The following SHANK1 variants were observed in gnomAD, a reference collection of about 807,000 sequenced individuals.
SHANK1 encodes the protein SH3 and multiple ankyrin repeat domains 1.
A neutral mutation model predicts 165.6 loss-of-function variants in SHANK1; 35 were observed. The observed-to-expected ratio is 0.21, with a 90% CI of 0.16 to 0.28. SHANK1 has a LOEUF of 0.28. Among genes scored for constraint, SHANK1 ranks in the 10% least tolerant of loss-of-function variants. SHANK1 has a pLI of 1.00. For synonymous variants in SHANK1, 1,428 were observed against 1,384.8 expected (o/e 1.03, Z -0.69); for missense variants, 2,681 against 3,036.4 (o/e 0.88, Z 2.75).
chr19:50,695,646 C>T (rs1246686265), intron 15 of SHANK1, among the ~76,000 whole-genome samples: 1 of 151,986 alleles, frequency 6.6e-6, no homozygotes, highest in South Asian at 2.1e-4. Flanking sequence ...GGACGGAGCC[C>T]CGCTTCCCCG....
rs1166237139 is a variant in SHANK1 at position 50,668,575 on chromosome 19, C to T, written c.3385G>A (p.Ala1129Thr). The change falls in exon 23 of 24, where the codon GCG (alanine) becomes ACG (threonine). Residue 1129 changes from alanine to threonine, a missense_variant. Physicochemically the swap from Ala to Thr is moderately conservative, Grantham distance 58. This residue lies in a region of SHANK1 where 1,713 missense variants were observed against 1,630.2 expected (regional missense o/e 1.05). Coordinates refer to ENST00000293441, the MANE Select transcript of SHANK1 (RefSeq NM_016148.5). ...GAGGCCGGGGACGTGGGCGACGGCG[C>T]GGGCGGGAGGCCGCCGCCCTTCTGG... Reference protein sequence around the residue: ...EPQKGGGLPPAPSPTSPASPQ... With the variant: ...EPQKGGGLPPTPSPTSPASPQ... 4.5e-6 allele frequency: 6 copies of T among 1,336,636 alleles called. No individual in the cohort carries two copies. The highest frequency in any genetic ancestry group is 1.6e-5 in the African/African-American group (1 of 64,414). The allele number at this position is 1,336,636 out of a possible 1,614,324, so 82.8% of individuals were successfully genotyped here. A position where few individuals can be genotyped will look rare whatever the true frequency, so the allele number is the denominator to read the frequency against.
chr19:50,667,664 G>C lies in SHANK1; in HGVS notation c.4296C>G (p.Ser1432=), dbSNP rs538161383. 3.5e-5 allele frequency: 49 copies of C among 1,397,454 alleles called. No homozygotes were observed. Among genetic ancestry groups the C allele is most frequent in the Non-Finnish European group, 4.5e-5 (49 of 1,085,168 alleles). 86.6% of individuals were successfully genotyped at this position (1,397,454 alleles called of 1,614,324 possible). Residue 1432 remains serine (S), a synonymous_variant, in exon 23 of 24, where the codon TCC becomes TCG. Coordinates refer to ENST00000293441, the MANE Select transcript of SHANK1 (RefSeq NM_016148.5). This position sits in a 1 kb window ranked among gnomAD's most constrained non-coding sequence, Gnocchi z 5.7. ...GGGCGGCGGGCGGGCTGGCGGGAAG[G>C]GACTTCTCCTGGCTGCCCAGCCCGG... The part of the protein sequence containing the change: ...YRAGLGSQEK[S]LPASPPAARR...
At chr19:50,663,178 C>T (rs1320434722) in intron 23 of SHANK1, 1 of 169,384 alleles carries the variant, frequency 5.9e-6, no homozygotes, top group East Asian at 1.8e-4. Flanking sequence ...TACTGCCTTT[C>T]AGGTTATGGC....
chr19:50,701,782 G>A (rs1750685065), intron 12 of SHANK1, among the ~76,000 whole-genome samples: 4 of 152,152 alleles, frequency 2.6e-5, no homozygotes, highest in Admixed American at 2.6e-4. Flanking sequence ...GCACGTGGTG[G>A]TCTCTAAAGC....
rs1250236318 is a variant in SHANK1, at chr19:50,719,434, C to A, written c.-72G>T. 6.7e-6 allele frequency: 1 copy of A among 148,164 alleles called. No individual in the cohort carries two copies. Among genetic ancestry groups the A allele is most frequent in the Non-Finnish European group, 1.5e-5 (1 of 66,602 alleles). 9.2% of individuals were successfully genotyped at this position (148,164 alleles called of 1,614,324 possible). A position where few individuals can be genotyped will look rare whatever the true frequency, so the allele number is the denominator to read the frequency against. ...CCTGGCGGGGCTGCTGAGTCCCGGT[C>A]GGCGGCGCCCGCGGCCCCTCCCCCC... On this transcript the variant is annotated 5_prime_UTR_variant, in exon 1 of 24. Coordinates refer to ENST00000293441, the MANE Select transcript of SHANK1 (RefSeq NM_016148.5).
In SHANK1 at chr19:50,660,311, G is replaced by C. The variant is rs1389548540; in HGVS notation, c.*1654C>G. 6.6e-6 allele frequency among the ~76,000 whole-genome samples: 1 copy of C among 151,988 alleles called. No individual in the cohort carries two copies. The highest frequency in any genetic ancestry group is 1.5e-5 in the Non-Finnish European group (1 of 67,984). ...GACAGGTTAGGAGAGGGCAATCTTC[G>C]TGCAAAAGGGATGGACAGATGGCCC... On this transcript the variant is annotated 3_prime_UTR_variant, in exon 24 of 24. Transcript: ENST00000293441.
At position 50,703,757 on chromosome 19, in the gene SHANK1, C is replaced by T. The variant is rs759165431; in HGVS notation, c.1296G>A (p.Pro432=). ...GPPGTGLTVP[P]ALLRANSDTS... Reference sequence around the variant, plus strand: ...TGTCACTGTTGGCCCGCAGCAGCGCCGGGGGCACCGTCAGCCCTGTGCCTG... The same window carrying T: ...TGTCACTGTTGGCCCGCAGCAGCGCTGGGGGCACCGTCAGCCCTGTGCCTG... The change falls in exon 11 of 24, where the codon CCG becomes CCA. Residue 432 remains proline (P), a synonymous_variant. Transcript: ENST00000293441. 7.4e-5 allele frequency: 106 copies of T among 1,432,722 alleles called. No homozygotes were observed. The highest frequency in any genetic ancestry group is 1.4e-4 in the African/African-American group (10 of 69,164). The allele number at this position is 1,432,722 out of a possible 1,614,324, so 88.8% of individuals were successfully genotyped here.
In SHANK1 at chr19:50,713,160, TGG is replaced by T. The variant is rs2123200987; in HGVS notation, c.792+636_792+637del. 6.6e-6 allele frequency among the ~76,000 whole-genome samples: 1 copy of T among 152,198 alleles called. No homozygotes were observed. The highest frequency in any genetic ancestry group is 2.4e-5 in the African/African-American group (1 of 41,532). On this transcript the variant is annotated intron_variant, in intron 6 of 23. Transcript: ENST00000293441. This position sits in a 1 kb window ranked among gnomAD's most constrained non-coding sequence, Gnocchi z 6.2. ...CGGGGTGCTTCTCAATGGCTGTCTT[TGG>T]GGGCAGCCCATCCTGACCCTCATGT...
At chr19:50,698,646 A>C (rs1986815433) in intron 12 of SHANK1, among the ~76,000 whole-genome samples, 1 of 152,156 alleles carries the variant, frequency 6.6e-6, no homozygotes, top group Non-Finnish European at 1.5e-5. Context: ...CTGGGCCAGA[A>C]CCCTAAGAGG....
chr19:50,665,691 T>C (rs1278664238), intron 23 of SHANK1, among the ~76,000 whole-genome samples: 1 of 142,870 alleles, frequency 7.0e-6, no homozygotes, highest in Non-Finnish European at 1.5e-5. Context: ...TGAGCTATGA[T>C]TACACCACTG....
In SHANK1 at chr19:50,668,166, T is replaced by C. The variant is rs1244220301; in HGVS notation, c.3794A>G (p.Glu1265Gly). 3.4e-6 allele frequency: 5 copies of C among 1,465,298 alleles called. No homozygotes were observed. The highest frequency in any genetic ancestry group is 2.6e-5 in the Admixed American group (1 of 39,194). The allele number at this position is 1,465,298 out of a possible 1,614,324, so 90.8% of individuals were successfully genotyped here. ...TLFLSTDAGD[E>G]DGGDGGLGTG... ...GCCCAGCCCGCCGTCCCCGCCGTCCTCGTCCCCCGCGTCGGTGGACAGGAA... is the reference window on the plus strand; with the variant it reads ...GCCCAGCCCGCCGTCCCCGCCGTCCCCGTCCCCCGCGTCGGTGGACAGGAA... Residue 1265 changes from glutamate (E) to glycine (G), a missense_variant, in exon 23 of 24, where the codon GAG becomes GGG. Physicochemically the swap from Glu to Gly is moderately conservative, Grantham distance 98. Transcript: ENST00000293441.
chr19:50,663,922 C>CT (rs71964058), intron 23 of SHANK1, among the ~76,000 whole-genome samples: 2,251 of 110,286 alleles, frequency 0.02, 69 homozygotes, highest in African/African-American at 0.083. Context: ...TTTTTCTTTT[C>CT]TTTCTCTCTC....
chr19:50,668,127 G>C lies in SHANK1; in HGVS notation c.3833C>G (p.Pro1278Arg), dbSNP rs1245249063. 2.9e-5 allele frequency: 43 copies of C among 1,476,008 alleles called. No individual in the cohort carries two copies. The highest frequency in any genetic ancestry group is 8.0e-6 in the Non-Finnish European group (9 of 1,119,408). The allele number at this position is 1,476,008 out of a possible 1,614,324, so 91.4% of individuals were successfully genotyped here. Residue 1278 changes from proline to arginine, a missense_variant, in exon 23 of 24, where the codon CCG becomes CGG. By Grantham distance (103) the Pro-to-Arg change is moderately radical. This residue lies in a region of SHANK1 where 1,713 missense variants were observed against 1,630.2 expected (regional missense o/e 1.05). Coordinates refer to ENST00000293441, the MANE Select transcript of SHANK1 (RefSeq NM_016148.5). Reference sequence around the variant, plus strand: ...TTTGGAGTGGCGCAGCCGCGGGCCCGGGGCCGCCCCTGTGCCCAGCCCGCC... The same window carrying C: ...TTTGGAGTGGCGCAGCCGCGGGCCCCGGGCCGCCCCTGTGCCCAGCCCGCC... ...GDGGLGTGAA[P>R]GPRLRHSKSI...
intron 15 of SHANK1, among the ~76,000 whole-genome samples, chr19:50,689,957 C>G (rs938672579): frequency 1.3e-5 from 2 of 152,144 alleles, no homozygotes; most frequent in Admixed American, 6.5e-5. Context: ...GTGCACGTGG[C>G]TGTTTTTATG....
chr19:50,692,904 C>T (rs1362226108), intron 15 of SHANK1, among the ~76,000 whole-genome samples: 2 of 149,196 alleles, frequency 1.3e-5, no homozygotes, highest in Non-Finnish European at 3.0e-5. Context: ...CCCCTTTCCC[C>T]CTAAACATCC....
intron 15 of SHANK1, among the ~76,000 whole-genome samples, chr19:50,695,887 G>A (rs949096760): frequency 4.6e-5 from 7 of 152,190 alleles, no homozygotes; most frequent in Non-Finnish European, 8.8e-5. Context: ...CGGGGAGGGG[G>A]CGGCACACGC....
At chr19:50,671,180 CTTTTTT>C (rs35076465) in intron 22 of SHANK1, among the ~76,000 whole-genome samples, 1 of 76,724 alleles carries the variant, frequency 1.3e-5, no homozygotes, top group African/African-American at 5.7e-5. Context: ...TTTTTTCACT[CTTTTTT>C]TTTTTTTTTT....
chr19:50,702,524 A>G lies in SHANK1; in HGVS notation c.1690T>C (p.Ser564Pro), dbSNP rs751398303. ...VPGRSFMAVKSYQAQAEGEIS... is the reference protein window; with the variant it reads ...VPGRSFMAVKPYQAQAEGEIS... ...TCCCCCTCGGCTTGGGCCTGGTAGGACTTCACAGCCATGAAGGAGCGTCCG... is the reference window on the plus strand; with the variant it reads ...TCCCCCTCGGCTTGGGCCTGGTAGGGCTTCACAGCCATGAAGGAGCGTCCG... Residue 564 changes from serine to proline, a missense_variant, in exon 12 of 24, where the codon TCC becomes CCC. Around this residue, in one of 10 missense-constraint regions of SHANK1, gnomAD observed 195 missense variants for 186.2 expected, o/e 1.05. Coordinates refer to ENST00000293441, the MANE Select transcript of SHANK1 (RefSeq NM_016148.5). The surrounding 1 kb of genome is among the most constrained non-coding windows in gnomAD (Gnocchi z 5.3). 1.2e-6 allele frequency: 2 copies of G among 1,613,194 alleles called. No homozygotes were observed. Among genetic ancestry groups the G allele is most frequent in the Non-Finnish European group, 8.5e-7 (1 of 1,179,864 alleles).
At chr19:50,687,543 C>A (rs202190373) in intron 19 of SHANK1, 39 bp downstream of exon 19, 2 of 1,493,166 alleles carry the variant, frequency 1.3e-6, no homozygotes, top group East Asian at 2.5e-5. Context: ...CTTCCCCTCT[C>A]CCCCCGGCCC....
Sources: gnomAD v4.1 joint callset for allele counts (sites outside exome capture counted in the v4.1 genomes callset) on GRCh38, gnomAD v4.1.1 for gene constraint, gnomAD v4.1.1 regional missense constraint, Gnocchi (gnomAD v3.1) non-coding constraint, MANE v1.5 for transcripts, NCBI Gene and HGNC (gene_info 2026-07-23, HGNC 2026-07-21) for gene names.